The following NDUFA5 variants were observed in gnomAD, a reference collection of about 807,000 sequenced individuals.
NDUFA5 encodes NADH dehydrogenase [ubiquinone] 1 alpha subcomplex subunit 5.
A neutral mutation model predicts 19.8 loss-of-function variants in NDUFA5; 11 were observed. That is an observed-to-expected ratio of 0.56 (90% CI 0.35 to 0.92). NDUFA5 has a LOEUF of 0.92. NDUFA5 is among the 40% of genes least tolerant of loss of function. NDUFA5 has a pLI of 0.01. For synonymous variants in NDUFA5, 47 were observed against 46.8 expected, an observed-to-expected ratio of 1.00 and a Z score of -0.01; for missense variants, 109 against 134.2, an observed-to-expected ratio of 0.81 and a Z score of 0.93.
At chr7:123,583,231 A>C in the NDUFA5 span, among the ~76,000 whole-genome samples, 1 of 151,984 alleles carries the variant, frequency 6.6e-6, no homozygotes, top group African/African-American at 2.4e-5. Context: ...CTCTAAAAAG[A>C]TAAATAAATA....
At chr7:123,588,902 T>C in the NDUFA5 span, among the ~76,000 whole-genome samples, 3 of 151,906 alleles carry the variant, frequency 2.0e-5, no homozygotes, top group Admixed American at 2.0e-4. Context: ...TATTGGTTTC[T>C]TGTTCCATAC....
chr7:123,598,512 G>GA, the NDUFA5 span, among the ~76,000 whole-genome samples: 2 of 150,372 alleles, frequency 1.3e-5, no homozygotes, highest in African/African-American at 4.9e-5. Context: ...GGAAAAACAA[G>GA]AAAAAAAAAG....
chr7:123,545,231 T>C (rs1471936528), intron 4 of NDUFA5, among the ~76,000 whole-genome samples: 1 of 152,088 alleles, frequency 6.6e-6, no homozygotes, highest in Non-Finnish European at 1.5e-5. Flanking sequence ...AAAGTACATT[T>C]TAATTTTATA....
the NDUFA5 span, among the ~76,000 whole-genome samples, chr7:123,592,494 TC>T: frequency 6.6e-6 from 1 of 152,240 alleles, no homozygotes; most frequent in African/African-American, 2.4e-5. Flanking sequence ...GTCTTTGTTC[TC>T]ATTGATTTCA....
At chr7:123,574,161 C>CT in the NDUFA5 span, among the ~76,000 whole-genome samples, 1 of 151,000 alleles carries the variant, frequency 6.6e-6, no homozygotes, top group South Asian at 2.1e-4. Flanking sequence ...GACATCTCTT[C>CT]TTTTTTTATA....
At chr7:123,587,111 T>C in the NDUFA5 span, among the ~76,000 whole-genome samples, 2 of 151,694 alleles carry the variant, frequency 1.3e-5, no homozygotes, top group African/African-American at 4.8e-5. Context: ...AAAAACATCA[T>C]TGGAATTTTG....
At chr7:123,585,659 GTGT>G in the NDUFA5 span, among the ~76,000 whole-genome samples, 1 of 151,582 alleles carries the variant, frequency 6.6e-6, no homozygotes, top group African/African-American at 2.4e-5. Flanking sequence ...GTGTGTGTGT[GTGT>G]GGTGAGAACA....
chr7:123,542,626 A>C, intron 4 of NDUFA5, among the ~76,000 whole-genome samples: 1 of 152,288 alleles, frequency 6.6e-6, no homozygotes, highest in East Asian at 1.9e-4. Context: ...CATATAACTA[A>C]AACTTTTTAA....
chr7:123,561,929 G>C (rs1456701125), upstream of NDUFA5, among the ~76,000 whole-genome samples: 1 of 151,802 alleles, frequency 6.6e-6, no homozygotes, highest in African/African-American at 2.4e-5. Context: ...AGCATCTAGT[G>C]TGGTCAGTTC....
chr7:123,576,588 A>G, the NDUFA5 span, among the ~76,000 whole-genome samples: 2 of 152,260 alleles, frequency 1.3e-5, no homozygotes, highest in East Asian at 3.9e-4. Context: ...GCTGTCACTC[A>G]TCTATGGGAT....
At chr7:123,584,220 G>A in the NDUFA5 span, among the ~76,000 whole-genome samples, 2 of 148,796 alleles carry the variant, frequency 1.3e-5, no homozygotes, top group African/African-American at 5.0e-5. Context: ...TGAGTTCCAG[G>A]AGGATCACTG....
chr7:123,546,249 C>CTTAA (rs1463484175), intron 3 of NDUFA5, among the ~76,000 whole-genome samples: 1 of 152,004 alleles, frequency 6.6e-6, no homozygotes, highest in Non-Finnish European at 1.5e-5. Context: ...AGGTGATTCT[C>CTTAA]TTAACCACAG....
At chr7:123,555,295 G>A (rs1370169345) in intron 2 of NDUFA5, 1 of 152,192 alleles carries the variant, frequency 6.6e-6, no homozygotes, top group Non-Finnish European at 1.5e-5. Flanking sequence ...TAAAAGGACT[G>A]AAGGAGAAAC....
upstream of NDUFA5, among the ~76,000 whole-genome samples, chr7:123,562,011 T>C (rs1798695692): frequency 6.6e-6 from 1 of 152,096 alleles, no homozygotes; most frequent in Non-Finnish European, 1.5e-5. Flanking sequence ...ACTATAGCCT[T>C]ATAAAATGTA....
the NDUFA5 span, among the ~76,000 whole-genome samples, chr7:123,574,296 A>G: frequency 6.6e-5 from 10 of 151,880 alleles, no homozygotes; most frequent in African/African-American, 2.4e-4. Context: ...CAGCCTTCTA[A>G]GCATCTGTTT....
the NDUFA5 span, among the ~76,000 whole-genome samples, chr7:123,599,278 A>G: frequency 6.6e-6 from 1 of 152,342 alleles, no homozygotes; most frequent in Non-Finnish European, 1.5e-5. Flanking sequence ...ACACAAAACA[A>G]ACAAAAAATA....
upstream of NDUFA5, among the ~76,000 whole-genome samples, chr7:123,558,497 G>A (rs1239018614): frequency 6.6e-6 from 1 of 152,134 alleles, no homozygotes; most frequent in Admixed American, 6.5e-5. Flanking sequence ...TAATGAAGAA[G>A]GCGTGTATTA....
the NDUFA5 span, among the ~76,000 whole-genome samples, chr7:123,565,887 C>T: frequency 6.6e-6 from 1 of 152,086 alleles, no homozygotes; most frequent in African/African-American, 2.4e-5. Flanking sequence ...GGCGTGGTGG[C>T]ACGCACCTGT....
the NDUFA5 span, among the ~76,000 whole-genome samples, chr7:123,590,604 C>A: frequency 6.6e-6 from 1 of 152,078 alleles, no homozygotes; most frequent in African/African-American, 2.4e-5. Flanking sequence ...TTGTTTTTGT[C>A]AGGTTTGTCA....
Sources: allele counts gnomAD v4.1 joint callset (sites outside exome capture counted in the v4.1 genomes callset), GRCh38; gene constraint gnomAD v4.1.1; transcripts MANE v1.5; gene names NCBI Gene and HGNC (gene_info 2026-07-23, HGNC 2026-07-21).